ESRRG: variants seen among roughly 807,000 people sequenced by gnomAD.
ESRRG encodes estrogen related receptor gamma, also known as estrogen-related receptor gamma.
A neutral mutation model predicts 44.0 loss-of-function variants in ESRRG; 13 were observed. That is an observed-to-expected ratio of 0.30 (90% CI 0.19 to 0.47). The LOEUF (loss-of-function observed/expected upper bound fraction) is 0.47, where lower values mean the gene tolerates loss of function less well. Ranked by LOEUF, ESRRG falls within the 20% of genes least tolerant of loss-of-function variation. The pLI, the probability that ESRRG is intolerant of heterozygous loss-of-function variation, is 1.00. For synonymous variants in ESRRG, 215 were observed against 214.6 expected, an observed-to-expected ratio of 1.00 and a Z score of -0.02; for missense variants, 395 against 580.6, an observed-to-expected ratio of 0.68 and a Z score of 3.29.
intron 1 of ESRRG, among the ~76,000 whole-genome samples, chr1:217,057,890 T>A (rs2087473043): frequency 6.6e-6 from 1 of 152,276 alleles, no homozygotes; most frequent in South Asian, 2.1e-4. Context: ...AAGATAAATC[T>A]TCTTCCAACG....
intron 3 of ESRRG, among the ~76,000 whole-genome samples, chr1:216,584,180 A>C (rs1450325663): frequency 6.6e-6 from 1 of 151,962 alleles, no homozygotes; most frequent in Non-Finnish European, 1.5e-5. Flanking sequence ...GGCTTATAAG[A>C]TCTTTCTAAA....
chr1:217,023,241 G>C (rs1248072631), intron 1 of ESRRG, among the ~76,000 whole-genome samples: 3 of 152,120 alleles, frequency 2.0e-5, no homozygotes, highest in African/African-American at 7.2e-5. Flanking sequence ...TTCAGAAATG[G>C]AATCAGCTGC....
intron 1 of ESRRG, among the ~76,000 whole-genome samples, chr1:217,025,586 T>A (rs975138298): frequency 9.2e-5 from 14 of 152,238 alleles, no homozygotes; most frequent in Non-Finnish European, 1.8e-4. Context: ...ATGCTAATGT[T>A]CTTCCTCCCA....
At chr1:216,936,704 AG>A (rs1368009657) in intron 2 of ESRRG, 1 of 151,788 alleles carries the variant, frequency 6.6e-6, no homozygotes, top group Non-Finnish European at 1.5e-5. Context: ...ACGGACCTTG[AG>A]GAAAAAAAAA....
intron 2 of ESRRG, among the ~76,000 whole-genome samples, chr1:216,835,947 T>A (rs552930081): frequency 6.6e-6 from 1 of 152,264 alleles, no homozygotes; most frequent in South Asian, 2.1e-4. Context: ...GTGGCCCTAG[T>A]TCGATAGAGT....
intron 1 of ESRRG, among the ~76,000 whole-genome samples, chr1:217,102,916 T>C (rs566807795): frequency 2.0e-3 from 298 of 152,208 alleles, no homozygotes; most frequent in Non-Finnish European, 3.6e-3. Context: ...GAGAGGCTTA[T>C]ACAGTCAGCG....
At chr1:216,629,203 A>G (rs763931168) in intron 3 of ESRRG, among the ~76,000 whole-genome samples, 17 of 152,216 alleles carry the variant, frequency 1.1e-4, no homozygotes, top group African/African-American at 1.7e-4. Flanking sequence ...TGGTCAATAT[A>G]TCTTTGCTAA....
At chr1:216,621,753 T>A (rs558310054) in intron 3 of ESRRG, among the ~76,000 whole-genome samples, 21 of 152,340 alleles carry the variant, frequency 1.4e-4, no homozygotes, top group Admixed American at 3.3e-4. Context: ...ATGGCTCCAC[T>A]GATTTTCCTC....
At chr1:216,590,765 T>C (rs1226897365) in intron 3 of ESRRG, among the ~76,000 whole-genome samples, 1 of 152,130 alleles carries the variant, frequency 6.6e-6, no homozygotes, top group Non-Finnish European at 1.5e-5. Flanking sequence ...TTTTTTTTAA[T>C]ACAAGAAAGT....
chr1:217,081,229 T>TTTTTC lies in ESRRG; in HGVS notation c.-106+8277_-106+8278insGAAAA, dbSNP rs2091744171. ...TTATAGATAAAAATATTCTTTTTTT[T>TTTTTC]TTTTTTTTTTTTTTTGAGACAGAGT... On this transcript the variant is annotated intron_variant, in intron 1 of 7. Transcript: ENST00000359162. 1.6e-5 allele frequency among the ~76,000 whole-genome samples: 2 copies of TTTTTC among 127,136 alleles called. 1 individual carries two copies. Among genetic ancestry groups the TTTTTC allele is most frequent in the African/African-American group, 6.0e-5 (2 of 33,498 alleles). 83.4% of individuals were successfully genotyped at this position (127,136 alleles called of 152,430 possible).
chr1:216,886,990 G>A (rs114912071), intron 2 of ESRRG, among the ~76,000 whole-genome samples: 2,253 of 152,134 alleles, frequency 0.015, 30 homozygotes, highest in Non-Finnish European at 0.022. Flanking sequence ...CACCCGCCTC[G>A]GTCTCCCAAA....
intron 2 of ESRRG, among the ~76,000 whole-genome samples, chr1:216,874,003 G>C (rs1284671931): frequency 1.5e-5 from 2 of 130,150 alleles, no homozygotes; most frequent in Non-Finnish European, 3.3e-5. Context: ...GAGGGAGGGA[G>C]GGAGTGGGTT....
intron 2 of ESRRG, among the ~76,000 whole-genome samples, chr1:216,799,062 C>T (rs1260329669): frequency 6.6e-6 from 1 of 152,014 alleles, no homozygotes; most frequent in Non-Finnish European, 1.5e-5. Flanking sequence ...ATTTTCATAA[C>T]CATTATTCTT....
intron 2 of ESRRG, among the ~76,000 whole-genome samples, chr1:216,910,323 C>G (rs1331321385): frequency 6.6e-6 from 1 of 151,998 alleles, no homozygotes; most frequent in Non-Finnish European, 1.5e-5. Flanking sequence ...AAACCAAGAT[C>G]CTTACAAACT....
chr1:216,961,372 A>G (rs1474817268), intron 1 of ESRRG, among the ~76,000 whole-genome samples: 1 of 152,184 alleles, frequency 6.6e-6, no homozygotes, highest in Non-Finnish European at 1.5e-5. Context: ...AAAATTACCA[A>G]CCATAAAAAA....
At chr1:216,983,447 G>A (rs1306601505) in intron 1 of ESRRG, among the ~76,000 whole-genome samples, 1 of 152,012 alleles carries the variant, frequency 6.6e-6, no homozygotes, top group Non-Finnish European at 1.5e-5. Flanking sequence ...GCCCAGACTG[G>A]TCTCAAACTC....
rs189782813 is a variant in ESRRG at position 216,900,491 on chromosome 1, C to T, written c.-14+39091G>A. Among the ~76,000 whole-genome samples, 11 of 152,228 alleles carry T rather than the reference C, an allele frequency of 7.2e-5. No individual in the cohort carries two copies. In the East Asian group the frequency reaches 2.1e-3, roughly 29 times the overall value. On this transcript the variant is annotated intron_variant, in intron 2 of 7. Coordinates refer to the ESRRG transcript ENST00000359162. ...TCCCTGAAGCACTTAGAGAATTGAG[C>T]AAAATTATATCTGGTGTGTGGATGC...
At chr1:216,586,325 C>T (rs189382533) in intron 3 of ESRRG, among the ~76,000 whole-genome samples, 20 of 152,164 alleles carry the variant, frequency 1.3e-4, no homozygotes, top group Non-Finnish European at 7.4e-5. Flanking sequence ...AAAATAAAGG[C>T]TTCTAAAGAA....
chr1:216,960,223 A>C (rs765912747), intron 1 of ESRRG, among the ~76,000 whole-genome samples: 1 of 152,152 alleles, frequency 6.6e-6, no homozygotes, highest in African/African-American at 2.4e-5. Flanking sequence ...TTTTGTAATC[A>C]TTAGCGACTA....
Sources: allele counts gnomAD v4.1 joint callset (sites outside exome capture counted in the v4.1 genomes callset), GRCh38; gene constraint gnomAD v4.1.1; transcripts MANE v1.5; gene names NCBI Gene and HGNC (gene_info 2026-07-23, HGNC 2026-07-21).